TTC9C: variants seen among roughly 807,000 people sequenced by gnomAD.
TTC9C encodes the protein tetratricopeptide repeat domain 9C.
In TTC9C, 15 loss-of-function variants were observed where a neutral mutation model predicts 22.5. The ratio of observed to expected loss-of-function variants is 0.67; its 90% CI spans 0.45 to 1.03. The LOEUF (loss-of-function observed/expected upper bound fraction) is 1.03, where lower values mean the gene tolerates loss of function less well. Among genes scored for constraint, TTC9C ranks in the 50% least tolerant of loss-of-function variants. The pLI is 0.00. For synonymous variants in TTC9C, 92 were observed against 86.8 expected (o/e 1.06, Z -0.33); for missense variants, 244 against 214.6 (o/e 1.14, Z -0.86).
chr11:62,728,932 G>T lies in TTC9C; in HGVS notation c.84G>T (p.Val28=), dbSNP rs145011075. ...GGGAAGGGAAGTACCGAGATGCTGTGAGTAGGTACCATCGAGCTCTGCTTC... is the reference window on the plus strand; with the variant it reads ...GGGAAGGGAAGTACCGAGATGCTGTTAGTAGGTACCATCGAGCTCTGCTTC... ...RYREGKYRDA[V]SRYHRALLQL... is the part of the protein sequence containing the mutation. The change falls in exon 1 of 3, where the codon GTG becomes GTT. Residue 28 remains valine, a synonymous_variant. Transcript: ENST00000316461. 9 of 1,614,102 alleles carry T rather than the reference G, an allele frequency of 5.6e-6. No individual in the cohort carries two copies. In the African/African-American group the frequency reaches 1.1e-4, roughly 19 times the overall value.
chr11:62,728,656 G>A lies in TTC9C; in HGVS notation c.-193G>A. On this transcript the variant is annotated 5_prime_UTR_variant, in exon 1 of 3. Coordinates refer to ENST00000316461, the MANE Select transcript of TTC9C (RefSeq NM_173810.4). ...ACTTGCCTGCACTTCTTGAGAAAAA[G>A]ACTGCAGAAAGGAGAGGTGGGGCTT... is the stretch of plus-strand genomic sequence containing the variant. 1 of 697,264 alleles carries A rather than the reference G, an allele frequency of 1.4e-6. No homozygotes were observed. Among genetic ancestry groups the A allele is most frequent in the Non-Finnish European group, 2.6e-6 (1 of 382,522 alleles). 43.2% of individuals were successfully genotyped at this position (697,264 alleles called of 1,614,324 possible). A position where few individuals can be genotyped will look rare whatever the true frequency, so the allele number is the denominator to read the frequency against.
chr11:62,738,345 G>A lies in TTC9C; in HGVS notation c.479G>A (p.Arg160Lys), dbSNP rs910189984. ...LTQSELSSYHRKEKQLYLGMF... is the reference protein window; with the variant it reads ...LTQSELSSYHKKEKQLYLGMF... ...CAGTCAGAACTCAGCAGCTACCATA[G>A]AAAAGAGAAGCAGCTCTACCTGGGC... Residue 160 changes from arginine to lysine, a missense_variant, in exon 3 of 3, where the codon AGA (arginine) becomes AAA (lysine). Coordinates refer to ENST00000316461, the MANE Select transcript of TTC9C (RefSeq NM_173810.4). The A allele has an allele frequency of 5.0e-6, 8 of 1,613,076 alleles. 1 individual carries two copies. The South Asian group carries it at 8.8e-5, about 18-fold the overall frequency.
upstream of TTC9C, chr11:62,728,397 G>A: frequency 5.1e-6 from 2 of 391,210 alleles, no homozygotes; most frequent in Non-Finnish European, 1.0e-5. Context: ...AGAATTGCTT[G>A]AAGCCCTCTG....
intron 1 of TTC9C, chr11:62,733,021 A>G: frequency 2.1e-6 from 1 of 467,128 alleles, no homozygotes; most frequent in Non-Finnish European, 3.3e-6. Context: ...TAGAAGGGAT[A>G]CAGACATCAG....
intron 1 of TTC9C, 80 bp downstream of exon 1, chr11:62,729,166 T>C (rs2083811733): frequency 1.6e-6 from 2 of 1,261,202 alleles, no homozygotes; most frequent in Non-Finnish European, 2.2e-6. Context: ...GAAAAAACGC[T>C]GACTTTTTTT....
Position 62,735,471 on chromosome 11 carries a change from G to A in TTC9C, c.328G>A (p.Ala110Thr), listed in dbSNP as rs754771021. The A allele has an allele frequency of 9.3e-6, 15 of 1,614,104 alleles. No homozygotes were observed. The highest frequency in any genetic ancestry group is 1.7e-5 in the Admixed American group (1 of 60,008). Residue 110 changes from alanine to threonine, a missense_variant, in exon 2 of 3, where the codon GCC becomes ACC. Transcript: ENST00000316461. ...GGAACGACAGCCTGATAATGCCAAG[G>A]CCTTGTATCGGGCCGGAGTGGCCTT... ...VLERQPDNAK[A>T]LYRAGVAFFH...
rs941148371 is a variant in TTC9C, at chr11:62,733,716, G to T, written c.239-1666G>T. On this transcript the variant is annotated intron_variant, in intron 1 of 2. Transcript: ENST00000316461. ...TTTTATATAAAAAATTAATGGGGCC[G>T]GGCACAGTGACTCACGCCTGTAATC... Among the ~76,000 whole-genome samples, 3 of 152,000 alleles carry T rather than the reference G, an allele frequency of 2.0e-5. No individual in the cohort carries two copies. In the South Asian group the frequency reaches 6.2e-4, roughly 32 times the overall value.
chr11:62,728,461 C>T (rs893386058), upstream of TTC9C: 1 of 465,414 alleles, frequency 2.1e-6, no homozygotes, highest in Non-Finnish European at 4.3e-6. Context: ...CGGGGGGGGG[C>T]GGGTCCAATA....
chr11:62,732,598 G>A (rs1223849319), intron 1 of TTC9C, among the ~76,000 whole-genome samples: 1 of 133,048 alleles, frequency 7.5e-6, no homozygotes, highest in Non-Finnish European at 1.6e-5. Context: ...GGCAACAAGA[G>A]CAAAACTCCG....
At chr11:62,729,189 C>G in intron 1 of TTC9C, 103 bp downstream of exon 1, 1 of 951,768 alleles carries the variant, frequency 1.1e-6, no homozygotes, top group Non-Finnish European at 1.6e-6. Context: ...TTTTTACTGT[C>G]ATCCATTTAT....
In TTC9C at chr11:62,731,760, C is replaced by T. The variant is rs548146114; in HGVS notation, c.238+2674C>T. On this transcript the variant is annotated intron_variant, in intron 1 of 2. Transcript: ENST00000316461. ...GCTGGAGTGCAGTGGCGTGATCTCA[C>T]CGCAAGCTCTGCCTCCCAGGTTCAT... Among the ~76,000 whole-genome samples the T allele has an allele frequency of 2.0e-5, 3 of 151,702 alleles. No individual in the cohort carries two copies. In the South Asian group the frequency reaches 6.2e-4, roughly 32 times the overall value.
chr11:62,731,091 G>T (rs2083843509), intron 1 of TTC9C, among the ~76,000 whole-genome samples: 1 of 151,750 alleles, frequency 6.6e-6, no homozygotes, highest in Non-Finnish European at 1.5e-5. Flanking sequence ...GTTTTGCCAT[G>T]TTGGCCAGGC....
chr11:62,729,419 G>A (rs1248970470), intron 1 of TTC9C, among the ~76,000 whole-genome samples: 1 of 142,996 alleles, frequency 7.0e-6, no homozygotes, highest in Non-Finnish European at 1.5e-5. Flanking sequence ...TTTTTTTTGA[G>A]ATGGAGTCTC....
intron 2 of TTC9C, among the ~76,000 whole-genome samples, chr11:62,738,075 T>C (rs966039676): frequency 1.3e-5 from 2 of 149,896 alleles, no homozygotes; most frequent in African/African-American, 5.0e-5. Context: ...AATAAATAAA[T>C]AAAAATTAGC....
chr11:62,728,616 A>G lies in TTC9C; in HGVS notation c.-233A>G. The G allele has an allele frequency of 1.5e-6, 1 of 658,376 alleles. No individual in the cohort carries two copies. Among genetic ancestry groups the G allele is most frequent in the South Asian group, 1.5e-5 (1 of 66,374 alleles). The allele number at this position is 658,376 out of a possible 1,614,324, so 40.8% of individuals were successfully genotyped here. A position where few individuals can be genotyped will look rare whatever the true frequency, so the allele number is the denominator to read the frequency against. On this transcript the variant is annotated 5_prime_UTR_variant, in exon 1 of 3. Coordinates refer to ENST00000316461, the MANE Select transcript of TTC9C (RefSeq NM_173810.4). ...TAATGTTGGGCTTCATTATTCCCAC[A>G]TCCCTTTCCTTACTACTTGCCTGCA...
intron 2 of TTC9C, chr11:62,736,332 A>G (rs1371785055): frequency 2.0e-5 from 3 of 151,670 alleles, no homozygotes; most frequent in African/African-American, 7.3e-5. Flanking sequence ...ACCTGAGGTC[A>G]GGATTTCAAG....
chr11:62,735,313 G>A, intron 1 of TTC9C, 69 bp from the exon 2 acceptor site: 1 of 1,579,418 alleles, frequency 6.3e-7, no homozygotes, highest in Middle Eastern at 1.7e-4. Context: ...GTACTGTCTT[G>A]AGCTGGCCAG....
intron 1 of TTC9C, among the ~76,000 whole-genome samples, chr11:62,733,357 G>A (rs535235600): frequency 4.8e-4 from 73 of 152,260 alleles, no homozygotes; most frequent in Non-Finnish European, 9.3e-4. Flanking sequence ...ATTTGTCTGA[G>A]TCTTGATTTC....
chr11:62,733,527 TGGG>T (rs1373163103), intron 1 of TTC9C, among the ~76,000 whole-genome samples: 1 of 151,982 alleles, frequency 6.6e-6, no homozygotes, highest in Admixed American at 6.6e-5. Flanking sequence ...TGTGGTGAAA[TGGG>T]GGATTCAGGA....
Sources: gnomAD v4.1 joint callset for allele counts (sites outside exome capture counted in the v4.1 genomes callset) on GRCh38, gnomAD v4.1.1 for gene constraint, MANE v1.5 for transcripts, NCBI Gene and HGNC (gene_info 2026-07-23, HGNC 2026-07-21) for gene names.